The following CSMD1 variants were observed in gnomAD, a reference collection of about 807,000 sequenced individuals.
CSMD1 encodes CUB and Sushi multiple domains 1, also known as CUB and sushi domain-containing protein 1.
Under a neutral mutation model 417.5 loss-of-function variants are expected in CSMD1, and 213 were observed. That is an observed-to-expected ratio of 0.51 (90% CI 0.46 to 0.57). The LOEUF is 0.57. CSMD1 is among the 20% of genes least tolerant of loss of function. The pLI is 0.00. For missense variants in CSMD1, 6,923 were observed against 4,529.7 expected, an observed-to-expected ratio of 1.53 and a Z score of -15.17; for synonymous variants, 2,862 against 1,736.8, an observed-to-expected ratio of 1.65 and a Z score of -16.11.
At chr8:4,193,329 C>G (rs573660961) in intron 3 of CSMD1, among the ~76,000 whole-genome samples, 1 of 151,556 alleles carries the variant, frequency 6.6e-6, no homozygotes, top group Non-Finnish European at 1.5e-5. Context: ...AAAGAACGTC[C>G]TCCAATAAAA....
At chr8:3,976,671 A>C (rs749242712) in intron 5 of CSMD1, among the ~76,000 whole-genome samples, 5 of 152,196 alleles carry the variant, frequency 3.3e-5, no homozygotes, top group Non-Finnish European at 7.4e-5. Context: ...TTTCTTGCGC[A>C]TTCCCTATTC....
At chr8:4,125,390 T>A (rs1412939583) in intron 3 of CSMD1, among the ~76,000 whole-genome samples, 1 of 152,202 alleles carries the variant, frequency 6.6e-6, no homozygotes. Context: ...CCTGCTCCAG[T>A]TGTCCCACCT....
intron 3 of CSMD1, among the ~76,000 whole-genome samples, chr8:4,304,525 T>A (rs1798143564): frequency 6.6e-6 from 1 of 152,302 alleles, no homozygotes; most frequent in South Asian, 2.1e-4. Flanking sequence ...GTGTCAGGAC[T>A]GGGCCACCTG....
chr8:3,601,535 G>A (rs909574496), intron 8 of CSMD1, among the ~76,000 whole-genome samples: 3 of 152,114 alleles, frequency 2.0e-5, no homozygotes, highest in African/African-American at 7.2e-5. Flanking sequence ...CAGAATCACA[G>A]CAGGCACTTA....
At position 2,998,126 on chromosome 8, in the gene CSMD1, G is replaced by A. The variant is rs1241437698; in HGVS notation, c.8262C>T (p.Phe2754=). 2 of 1,614,032 alleles carry A rather than the reference G, an allele frequency of 1.2e-6. No individual in the cohort carries two copies. The highest frequency in any genetic ancestry group is 1.7e-6 in the Non-Finnish European group (2 of 1,179,874). ...PAHGFTNGSE[F]NLNDVVNFTC... is the part of the protein sequence containing the mutation. ...TGAAATTCACGACATCATTCAGGTT[G>A]AACTCACTGCCATTAGTGAATCCGT... The change falls in exon 54 of 70, where the codon TTC becomes TTT. Residue 2754 remains phenylalanine, a synonymous_variant. Coordinates refer to ENST00000635120, the MANE Select transcript of CSMD1 (RefSeq NM_033225.6).
At chr8:4,170,220 T>C (rs991646744) in intron 3 of CSMD1, among the ~76,000 whole-genome samples, 5 of 151,846 alleles carry the variant, frequency 3.3e-5, no homozygotes, top group East Asian at 1.9e-4. Flanking sequence ...CTAGCTGTTA[T>C]CTCTTCTCTT....
At chr8:4,126,859 C>A (rs1237223033) in intron 3 of CSMD1, among the ~76,000 whole-genome samples, 1 of 152,124 alleles carries the variant, frequency 6.6e-6, no homozygotes, top group Non-Finnish European at 1.5e-5. Flanking sequence ...TGGCAAAGAT[C>A]AGTCCCAGGA....
intron 5 of CSMD1, among the ~76,000 whole-genome samples, chr8:3,983,275 C>G (rs1407214062): frequency 6.6e-6 from 1 of 151,940 alleles, no homozygotes; most frequent in Non-Finnish European, 1.5e-5. Flanking sequence ...GGACTACAGG[C>G]GCCCACCACC....
chr8:4,770,717 T>C (rs935989881), intron 1 of CSMD1, among the ~76,000 whole-genome samples: 1 of 125,526 alleles, frequency 8.0e-6, no homozygotes, highest in African/African-American at 2.8e-5. Context: ...GGGGAAAGAA[T>C]AATCTTGTCA....
intron 18 of CSMD1, among the ~76,000 whole-genome samples, chr8:3,382,910 G>T (rs969603141): frequency 6.6e-6 from 1 of 151,974 alleles, no homozygotes; most frequent in Admixed American, 6.6e-5. Flanking sequence ...TAAAAACTAA[G>T]ATTTCTCAAA....
chr8:4,761,884 TATCTACCTACCTATCTATCTATCTATCA>T (rs1276862771), intron 1 of CSMD1, among the ~76,000 whole-genome samples: 31 of 75,074 alleles, frequency 4.1e-4, no homozygotes, highest in African/African-American at 1.3e-3. Flanking sequence ...TCTATCTATC[TATCTACCTACCTATCTATCTATCTATCA>T]ATCTATCTAT....
At chr8:4,524,783 T>C (rs951664262) in intron 2 of CSMD1, among the ~76,000 whole-genome samples, 24 of 152,162 alleles carry the variant, frequency 1.6e-4, no homozygotes, top group Non-Finnish European at 2.6e-4. Context: ...TATTTAGAAA[T>C]TATCCAGTAA....
intron 3 of CSMD1, among the ~76,000 whole-genome samples, chr8:4,330,457 G>T (rs191474063): frequency 6.6e-6 from 1 of 151,986 alleles, no homozygotes; most frequent in Non-Finnish European, 1.5e-5. Context: ...ATGCATGTTG[G>T]CAGGTGCCTG....
chr8:3,553,157 A>C (rs1010932428), intron 10 of CSMD1, among the ~76,000 whole-genome samples: 1 of 152,140 alleles, frequency 6.6e-6, no homozygotes, highest in Non-Finnish European at 1.5e-5. Flanking sequence ...CCTACTCTGA[A>C]TATCTTTCAT....
intron 26 of CSMD1, among the ~76,000 whole-genome samples, chr8:3,232,318 G>A (rs1174008820): frequency 6.6e-6 from 1 of 152,140 alleles, no homozygotes; most frequent in Non-Finnish European, 1.5e-5. Flanking sequence ...TGTCTTAAAT[G>A]CTTAACTGGA....
At chr8:3,437,922 G>C (rs951688224) in intron 12 of CSMD1, among the ~76,000 whole-genome samples, 10 of 151,912 alleles carry the variant, frequency 6.6e-5, no homozygotes, top group Non-Finnish European at 1.5e-4. Context: ...TAATTCTTTA[G>C]TAGAGACAGG....
chr8:4,561,822 C>G (rs1012389572), intron 2 of CSMD1, among the ~76,000 whole-genome samples: 1 of 152,190 alleles, frequency 6.6e-6, no homozygotes, highest in African/African-American at 2.4e-5. Context: ...TACCTGTTGA[C>G]TGCTGAGGGG....
chr8:4,881,457 ATCTATCT>A lies in CSMD1; in HGVS notation c.85+112868_85+112874del, dbSNP rs1179537231. Among the ~76,000 whole-genome samples, 251 of 45,782 alleles carry A rather than the reference ATCTATCT, an allele frequency of 5.5e-3. 2 individuals carry two copies. Among genetic ancestry groups the A allele is most frequent in the Admixed American group, 0.018 (61 of 3,348 alleles). 30.0% of individuals were successfully genotyped at this position (45,782 alleles called of 152,430 possible). On this transcript the variant is annotated intron_variant, in intron 1 of 69. Coordinates refer to ENST00000635120, the MANE Select transcript of CSMD1 (RefSeq NM_033225.6). The stretch of plus-strand genomic sequence containing the variant: ...TATCTATCTATCTATCTATCTATCT[ATCTATCT>A]TGTCTCCCTACATGCAATAAACCCT...
chr8:3,345,680 G>GT, intron 22 of CSMD1, among the ~76,000 whole-genome samples: 1 of 152,270 alleles, frequency 6.6e-6, no homozygotes, highest in South Asian at 2.1e-4. Flanking sequence ...ATACAAGCCT[G>GT]TAAGTATCTG....
Sources: gnomAD v4.1 joint callset for allele counts (sites outside exome capture counted in the v4.1 genomes callset) on GRCh38, gnomAD v4.1.1 for gene constraint, MANE v1.5 for transcripts, NCBI Gene and HGNC (gene_info 2026-07-23, HGNC 2026-07-21) for gene names.